BOC: variants seen among roughly 807,000 people sequenced by gnomAD.
BOC encodes the protein brother of CDO.
Under a neutral mutation model 112.0 loss-of-function variants are expected in BOC, and 76 were observed. The observed-to-expected ratio is 0.68, with a 90% confidence interval of 0.56 to 0.82. The LOEUF is 0.82. Among genes scored for constraint, BOC ranks in the 40% least tolerant of loss-of-function variants. The pLI, the probability that BOC is intolerant of heterozygous loss-of-function variation, is 0.00. For missense variants in BOC, 1,309 were observed against 1,511.7 expected, an observed-to-expected ratio of 0.87 and a Z score of 2.22; for synonymous variants, 580 against 599.8, an observed-to-expected ratio of 0.97 and a Z score of 0.48.
chr3:113,238,002 A>C (rs1364369303), intron 2 of BOC, among the ~76,000 whole-genome samples: 2 of 152,248 alleles, frequency 1.3e-5, no homozygotes, highest in Non-Finnish European at 2.9e-5. Flanking sequence ...GATAAGAGGT[A>C]TATGACAGAC....
intron 16 of BOC, among the ~76,000 whole-genome samples, chr3:113,283,871 G>A (rs1339585762): frequency 2.6e-5 from 4 of 151,864 alleles, no homozygotes; most frequent in African/African-American, 9.7e-5. Context: ...CGGGACCTAT[G>A]TTGTGCCATC....
At chr3:113,280,102 T>G (rs1400348009) in intron 13 of BOC, 97 bp downstream of exon 13, 38 of 1,276,744 alleles carry the variant, frequency 3.0e-5, no homozygotes, top group Non-Finnish European at 3.2e-5. Context: ...ACAGGGCACC[T>G]GAAAGCTTCA....
upstream of BOC, chr3:113,211,216 G>C (rs544348914): frequency 6.6e-6 from 1 of 152,412 alleles, no homozygotes; most frequent in African/African-American, 2.4e-5. Flanking sequence ...ATTGTACATG[G>C]AAGAGCAAGG....
rs1420608487 is a variant in BOC at position 113,274,793 on chromosome 3, G to A, written c.1542+111G>A. ...CCTTGAGCTCCTGAAGCCTGAGCCG[G>A]TAATCCCCACCACTAAACAGGCCCT... On this transcript the variant is annotated intron_variant, in intron 9 of 19. Transcript: ENST00000682979. The surrounding 1 kb of genome is among the most constrained non-coding windows in gnomAD (Gnocchi z 4.8). 1.3e-5 allele frequency: 15 copies of A among 1,138,150 alleles called. No individual in the cohort carries two copies. The highest frequency in any genetic ancestry group is 1.7e-5 in the Non-Finnish European group (14 of 817,892). 70.5% of individuals were successfully genotyped at this position (1,138,150 alleles called of 1,614,324 possible). A position where few individuals can be genotyped will look rare whatever the true frequency, so the allele number is the denominator to read the frequency against.
intron 2 of BOC, among the ~76,000 whole-genome samples, chr3:113,244,292 T>C (rs766622687): frequency 6.5e-4 from 94 of 143,650 alleles, no homozygotes; most frequent in Non-Finnish European, 1.3e-3. Flanking sequence ...AGTATAGCAA[T>C]ATTTTTTTCT....
chr3:113,271,518 G>A (rs1948121596), intron 6 of BOC: 1 of 264,504 alleles, frequency 3.8e-6, no homozygotes, highest in Non-Finnish European at 7.4e-6. Flanking sequence ...ACGGAGTTAG[G>A]CTTAGAGTTG....
chr3:113,277,958 C>A, intron 9 of BOC, 137 bp from the exon 10 acceptor site: 1 of 1,155,396 alleles, frequency 8.7e-7, no homozygotes, highest in Non-Finnish European at 1.2e-6. Context: ...GAGGCTGTGC[C>A]ACCCTAACCC....
In BOC at chr3:113,273,098, C is replaced by A; in HGVS notation, c.991C>A (p.Gln331Lys). The A allele has an allele frequency of 6.2e-7, 1 of 1,608,916 alleles. No individual in the cohort carries two copies. The highest frequency in any genetic ancestry group is 8.5e-7 in the Non-Finnish European group (1 of 1,175,828). The change falls in exon 8 of 20, where the codon CAG (glutamine) becomes AAG (lysine). Residue 331 changes from glutamine (Q) to lysine (K), a missense_variant. Transcript: ENST00000682979. The stretch of plus-strand genomic sequence containing the variant: ...CCCTGAGGTCACCATGGAGCTATCC[C>A]AGCTGGTCATCCCCTGGGGCCAGAG... ...EPPEVTMELS[Q>K]LVIPWGQSAK...
At position 113,284,483 on chromosome 3, in the gene BOC, C is replaced by G. The variant is rs750491112; in HGVS notation, c.2805C>G (p.Ile935Met). 25 of 1,614,128 alleles carry G rather than the reference C, an allele frequency of 1.5e-5. No homozygotes were observed. Among genetic ancestry groups the G allele is most frequent in the African/African-American group, 5.3e-5 (4 of 74,946 alleles). Residue 935 changes from isoleucine to methionine, a missense_variant, in exon 17 of 20, where the codon ATC (isoleucine) becomes ATG (methionine). Physicochemically the swap from Ile to Met is conservative, Grantham distance 10. Transcript: ENST00000682979. ...GTGGACGGGCCTGTGCTAATGGGAT[C>G]CACATGAATAGGGGCTGCCCCTCGG... ...GISGRACANG[I>M]HMNRGCPSAA...
intron 14 of BOC, 52 bp downstream of exon 14, chr3:113,280,715 T>A: frequency 7.1e-7 from 1 of 1,406,728 alleles, no homozygotes; most frequent in Non-Finnish European, 1.0e-6. Flanking sequence ...TTTCCTCCGC[T>A]GGCATGGGGG....
chr3:113,223,606 A>G (rs1941132543), intron 2 of BOC, among the ~76,000 whole-genome samples: 1 of 151,638 alleles, frequency 6.6e-6, no homozygotes, highest in Admixed American at 6.6e-5. Flanking sequence ...CCACCTATTC[A>G]TCTCCCCCTC....
rs557861788 is a variant in BOC, at chr3:113,254,196, T to G, written c.376+3363T>G. On this transcript the variant is annotated intron_variant, in intron 4 of 19. Transcript: ENST00000682979. ...AGGCACAGTAAGAGAAGAAGGGGCT[T>G]GTGCAGAAGCCGAGCTGGGCTTATT... Among the ~76,000 whole-genome samples the G allele has an allele frequency of 5.3e-5, 8 of 152,330 alleles. No homozygotes were observed. The East Asian group carries it at 1.5e-3, about 29-fold the overall frequency.
At chr3:113,279,120 G>A (rs990563106) in intron 11 of BOC, 129 bp from the exon 12 acceptor site, 5 of 928,458 alleles carry the variant, frequency 5.4e-6, no homozygotes, top group Non-Finnish European at 8.2e-6. Flanking sequence ...GTGGGTGGAG[G>A]GCTGTGGGGA....
intron 2 of BOC, among the ~76,000 whole-genome samples, chr3:113,248,679 G>T (rs1458602681): frequency 6.6e-6 from 1 of 152,206 alleles, no homozygotes; most frequent in Non-Finnish European, 1.5e-5. Context: ...ACAGAAGTGT[G>T]TGTGTGTGTT....
intron 6 of BOC, 27 bp downstream of exon 6, chr3:113,270,971 G>T (rs773981802): frequency 6.2e-7 from 1 of 1,613,840 alleles, no homozygotes; most frequent in Admixed American, 1.7e-5. Flanking sequence ...CCTGCTGGGG[G>T]ATGGGGGATC....
Position 113,274,588 on chromosome 3 carries a change from C to T in BOC, c.1448C>T (p.Thr483Ile), listed in dbSNP as rs1309513979. 1.2e-6 allele frequency: 2 copies of T among 1,613,722 alleles called. No individual in the cohort carries two copies. The highest frequency in any genetic ancestry group is 3.3e-5 in the Admixed American group (2 of 60,030). ...EAPIILSSPR[T>I]SKTDSYELVW... is the part of the protein sequence containing the mutation. ...CCCATCATCCTCAGCTCGCCCCGCA[C>T]CTCCAAGACAGACTCATATGAACTG... The change falls in exon 9 of 20, where the codon ACC becomes ATC. Residue 483 changes from threonine (T) to isoleucine (I), a missense_variant. Thr to Ile is a moderately conservative substitution (Grantham distance 89). Transcript: ENST00000682979. The surrounding 1 kb of genome is among the most constrained non-coding windows in gnomAD (Gnocchi z 4.8).
At chr3:113,249,255 C>T (rs779285299) in intron 2 of BOC, among the ~76,000 whole-genome samples, 2 of 152,240 alleles carry the variant, frequency 1.3e-5, no homozygotes. Context: ...ATCACACACA[C>T]GGCACTGCTG....
intron 4 of BOC, among the ~76,000 whole-genome samples, chr3:113,259,874 T>C (rs577730502): frequency 1.2e-4 from 19 of 152,188 alleles, no homozygotes; most frequent in Admixed American, 2.0e-4. Context: ...CTCCTAGCTT[T>C]CAGAATGGTG....
At chr3:113,280,920 G>C in intron 14 of BOC, 111 bp from the exon 15 acceptor site, 1 of 1,437,368 alleles carries the variant, frequency 7.0e-7, no homozygotes, top group Non-Finnish European at 9.5e-7. Context: ...CCCTGTGCCA[G>C]TCAGTGGCAT....
Sources: gnomAD v4.1 joint callset for allele counts (sites outside exome capture counted in the v4.1 genomes callset) on GRCh38, gnomAD v4.1.1 for gene constraint, Gnocchi (gnomAD v3.1) non-coding constraint, MANE v1.5 for transcripts, NCBI Gene and HGNC (gene_info 2026-07-23, HGNC 2026-07-21) for gene names.